Variants in CLIP1 observed in about 807,000 individuals in gnomAD.
CLIP1 encodes CAP-Gly domain-containing linker protein 1.
CLIP1 carries 66 observed loss-of-function variants against 161.6 expected under a neutral mutation model. The ratio of observed to expected loss-of-function variants is 0.41; its 90% CI spans 0.33 to 0.50. CLIP1 has a LOEUF of 0.50. Ranked by LOEUF, CLIP1 falls within the 20% of genes least tolerant of loss-of-function variation. The pLI is 0.27. For synonymous variants in CLIP1, 598 were observed against 626.2 expected, an observed-to-expected ratio of 0.96 and a Z score of 0.67; for missense variants, 1,376 against 1,702.0, an observed-to-expected ratio of 0.81 and a Z score of 3.37.
chr12:122,308,895 C>T (rs920958833), intron 20 of CLIP1, among the ~76,000 whole-genome samples: 2 of 152,216 alleles, frequency 1.3e-5, no homozygotes, highest in African/African-American at 4.8e-5. Flanking sequence ...CTCAGTACAA[C>T]TACCCCAAAC....
chr12:122,390,279 C>CGTATATAT (rs1292770200), intron 1 of CLIP1, among the ~76,000 whole-genome samples: 1 of 78,984 alleles, frequency 1.3e-5, no homozygotes, highest in African/African-American at 3.8e-5. Flanking sequence ...TATATATATA[C>CGTATATAT]ATATATATAT....
chr12:122,282,915 G>A (rs1193667562), intron 21 of CLIP1, among the ~76,000 whole-genome samples: 1 of 152,158 alleles, frequency 6.6e-6, no homozygotes, highest in Admixed American at 6.5e-5. Flanking sequence ...GGTAAGTAGC[G>A]CAAGCTCGGA....
At chr12:122,288,186 C>T (rs1192529053) in intron 21 of CLIP1, among the ~76,000 whole-genome samples, 1 of 152,154 alleles carries the variant, frequency 6.6e-6, no homozygotes, top group Non-Finnish European at 1.5e-5. Context: ...GCACCTGCCA[C>T]TATGCCTGGC....
At chr12:122,379,818 T>G (rs994330016) in intron 2 of CLIP1, among the ~76,000 whole-genome samples, 2 of 148,582 alleles carry the variant, frequency 1.3e-5, no homozygotes, top group African/African-American at 5.0e-5. Flanking sequence ...GTGGCATGTG[T>G]CTGTAATCCC....
chr12:122,390,163 A>T (rs1955533318), intron 1 of CLIP1, among the ~76,000 whole-genome samples: 1 of 87,256 alleles, frequency 1.1e-5, no homozygotes, highest in African/African-American at 4.4e-5. Context: ...AATAAATTAC[A>T]CAGTCTCAGA....
intron 24 of CLIP1, chr12:122,275,036 G>C (rs1395280746): frequency 6.6e-6 from 1 of 151,762 alleles, no homozygotes; most frequent in Admixed American, 6.6e-5. Flanking sequence ...ATTTTTAATA[G>C]AGACGGGGTT....
At chr12:122,292,203 A>G (rs1950275105) in intron 20 of CLIP1, among the ~76,000 whole-genome samples, 5 of 150,252 alleles carry the variant, frequency 3.3e-5, no homozygotes, top group Admixed American at 3.3e-4. Flanking sequence ...GAGTTTCACT[A>G]TATTGGTCAG....
At chr12:122,416,677 G>T (rs1280604162) in intron 1 of CLIP1, among the ~76,000 whole-genome samples, 1 of 152,068 alleles carries the variant, frequency 6.6e-6, no homozygotes, top group African/African-American at 2.4e-5. Flanking sequence ...GCAGTGGGTA[G>T]ATCACCTGAG....
chr12:122,382,833 C>T (rs1002657600), intron 1 of CLIP1, among the ~76,000 whole-genome samples: 7 of 152,128 alleles, frequency 4.6e-5, no homozygotes, highest in Admixed American at 4.6e-4. Context: ...TTCCCAAGCT[C>T]CTCACCGCCA....
At chr12:122,339,017 CA>C (rs1384918032) in intron 11 of CLIP1, among the ~76,000 whole-genome samples, 3 of 152,120 alleles carry the variant, frequency 2.0e-5, no homozygotes, top group Non-Finnish European at 2.9e-5. Context: ...GCTTCTCCCA[CA>C]AAAAAGTTCA....
At chr12:122,331,991 T>G (rs945232364) in intron 15 of CLIP1, among the ~76,000 whole-genome samples, 1 of 148,982 alleles carries the variant, frequency 6.7e-6, no homozygotes, top group African/African-American at 2.5e-5. Context: ...TGAGACTCTA[T>G]CTCAAAAAAA....
At chr12:122,284,357 T>C (rs1282955873) in intron 21 of CLIP1, among the ~76,000 whole-genome samples, 1 of 147,252 alleles carries the variant, frequency 6.8e-6, no homozygotes, top group Non-Finnish European at 1.5e-5. Flanking sequence ...TGTTTCATCT[T>C]TTTTTTTTTT....
At chr12:122,409,237 C>T (rs566723108) in intron 1 of CLIP1, among the ~76,000 whole-genome samples, 4 of 150,640 alleles carry the variant, frequency 2.7e-5, no homozygotes, top group African/African-American at 4.9e-5. Context: ...GCGATTCTTC[C>T]GCCTCAGCCT....
At chr12:122,376,671 C>T (rs937105007) in intron 3 of CLIP1, among the ~76,000 whole-genome samples, 4 of 151,694 alleles carry the variant, frequency 2.6e-5, no homozygotes, top group African/African-American at 4.8e-5. Flanking sequence ...GGGGTTTCAC[C>T]GCATTAGCCA....
intron 9 of CLIP1, among the ~76,000 whole-genome samples, chr12:122,350,307 G>A (rs963960990): frequency 1.3e-5 from 2 of 152,102 alleles, no homozygotes; most frequent in African/African-American, 2.4e-5. Context: ...AAGGCAAAAC[G>A]TTTTCAGGTT....
intron 3 of CLIP1, chr12:122,365,770 G>A (rs1330481068): frequency 1.7e-6 from 1 of 592,896 alleles, no homozygotes; most frequent in African/African-American, 1.9e-5. Context: ...CACTTTGGGA[G>A]GCCCAGGCAG....
At chr12:122,313,608 C>G (rs1442834220) in intron 19 of CLIP1, among the ~76,000 whole-genome samples, 5 of 151,832 alleles carry the variant, frequency 3.3e-5, no homozygotes, top group African/African-American at 7.3e-5. Context: ...TGCCTGTAAT[C>G]CCAGCTACTG....
chr12:122,278,322 C>G lies in CLIP1; in HGVS notation c.3917-119G>C, dbSNP rs907501709. 4.6e-6 allele frequency: 4 copies of G among 871,974 alleles called. No homozygotes were observed. In the Admixed American group the frequency reaches 8.6e-5, roughly 19 times the overall value. 54.0% of individuals were successfully genotyped at this position (871,974 alleles called of 1,614,324 possible). ...TCAAAACTCATTTTCCTGTGGACTT[C>G]CCAGATGCACCACTTTCAGCACATG... On this transcript the variant is annotated intron_variant, in intron 23 of 25. Transcript: ENST00000620786.
chr12:122,410,619 C>T lies in CLIP1; in HGVS notation c.-107+11902G>A, dbSNP rs550426536. The stretch of plus-strand genomic sequence containing the variant: ...GATTACAGGCACGTGCCACCACACC[C>T]AGCTAATTTTCGTATTTTTAGTAGA... On this transcript the variant is annotated intron_variant, in intron 1 of 25. Transcript: ENST00000620786. Among the ~76,000 whole-genome samples the T allele has an allele frequency of 7.9e-5, 12 of 152,012 alleles. No homozygotes were observed. In the East Asian group the frequency reaches 2.3e-3, roughly 30 times the overall value.
Sources: gnomAD v4.1 joint callset for allele counts (sites outside exome capture counted in the v4.1 genomes callset) on GRCh38, gnomAD v4.1.1 for gene constraint, MANE v1.5 for transcripts, NCBI Gene and HGNC (gene_info 2026-07-23, HGNC 2026-07-21) for gene names.